Variants in TUBA1C observed in about 807,000 individuals in gnomAD.
TUBA1C encodes tubulin alpha-1C chain.
Under a neutral mutation model 34.9 loss-of-function variants are expected in TUBA1C, and 16 were observed. The observed-to-expected ratio is 0.46, with a 90% CI of 0.31 to 0.70. The LOEUF (loss-of-function observed/expected upper bound fraction) is 0.70. Ranked by LOEUF, TUBA1C falls within the 30% of genes least tolerant of loss-of-function variation. The probability of loss-of-function intolerance (pLI) is 0.05; values close to 1 mark genes in which losing one functional copy is unlikely to be tolerated. For missense variants in TUBA1C, 329 were observed against 587.3 expected (o/e 0.56, Z 4.55); for synonymous variants, 177 against 215.9 (o/e 0.82, Z 1.58).
intron 1 of TUBA1C, among the ~76,000 whole-genome samples, chr12:49,268,954 G>C (rs560475308): frequency 1.3e-5 from 2 of 152,318 alleles, no homozygotes; most frequent in South Asian, 4.1e-4. Flanking sequence ...TTGCCGAGTA[G>C]TTCATGAACA....
Position 49,272,326 on chromosome 12 carries a change from C to T in TUBA1C, c.449C>T (p.Thr150Ile), listed in dbSNP as rs752824086. Residue 150 changes from threonine to isoleucine, a missense_variant, in exon 4 of 4, where the codon ACC becomes ATC. This residue lies in a region of TUBA1C where 152 missense variants were observed against 240.3 expected (regional missense o/e 0.63). Transcript: ENST00000301072. Reference protein sequence around the residue: ...SFGGGTGSGFTSLLMERLSVD... With the variant: ...SFGGGTGSGFISLLMERLSVD... Reference sequence around the variant, plus strand: ...GGTGGGGGAACTGGTTCTGGGTTCACCTCGCTGCTCATGGAACGTCTCTCA... The same window carrying T: ...GGTGGGGGAACTGGTTCTGGGTTCATCTCGCTGCTCATGGAACGTCTCTCA... 5 of 1,614,106 alleles carry T rather than the reference C, an allele frequency of 3.1e-6. No homozygotes were observed. The South Asian group carries it at 4.4e-5, about 14-fold the overall frequency.
intron 1 of TUBA1C, among the ~76,000 whole-genome samples, chr12:49,267,429 TGAGTAGATCACCC>T (rs540163287): frequency 1.3e-5 from 2 of 151,804 alleles, no homozygotes; most frequent in Non-Finnish European, 2.9e-5. Flanking sequence ...GAGGCCGAGG[TGAGTAGATCACCC>T]GAGGTCAGGA....
upstream of TUBA1C, among the ~76,000 whole-genome samples, chr12:49,262,431 G>GC (rs1555167553): frequency 1.0e-5 from 1 of 97,610 alleles, no homozygotes; most frequent in Admixed American, 1.0e-4. Flanking sequence ...AAGTTTTATA[G>GC]CAAAAAAAAA....
chr12:49,241,146 C>T (rs1470509462), intron 1 of TUBA1C, among the ~76,000 whole-genome samples: 1 of 152,154 alleles, frequency 6.6e-6, no homozygotes, highest in East Asian at 1.9e-4. Context: ...AGGTGAACCG[C>T]CCGCCTCGGC....
At chr12:49,243,662 A>G (rs2136995867) in intron 1 of TUBA1C, among the ~76,000 whole-genome samples, 1 of 152,106 alleles carries the variant, frequency 6.6e-6, no homozygotes, top group East Asian at 1.9e-4. Flanking sequence ...CCCAGGCTGG[A>G]GTGCAGTGGT....
At chr12:49,268,180 C>A (rs1051094596) in intron 1 of TUBA1C, among the ~76,000 whole-genome samples, 1 of 152,130 alleles carries the variant, frequency 6.6e-6, no homozygotes, top group Non-Finnish European at 1.5e-5. Flanking sequence ...GCAACCGCCA[C>A]CTCCTGGGTT....
chr12:49,263,959 G>T (rs999708243), upstream of TUBA1C, among the ~76,000 whole-genome samples: 1 of 152,054 alleles, frequency 6.6e-6, no homozygotes, highest in Non-Finnish European at 1.5e-5. Flanking sequence ...GGTGGCTCAC[G>T]CCTGTATTCC....
At chr12:49,236,158 A>G (rs1186140089) in intron 1 of TUBA1C, among the ~76,000 whole-genome samples, 1 of 152,258 alleles carries the variant, frequency 6.6e-6, no homozygotes, top group Non-Finnish European at 1.5e-5. Context: ...CTCCTCAGTC[A>G]GTTCTGATTC....
chr12:49,274,367 T>G lies in TUBA1C; in HGVS notation c.*1140T>G, dbSNP rs2137027980. 1 of 138,520 alleles carries G rather than the reference T, an allele frequency of 7.2e-6. No individual in the cohort carries two copies. Among genetic ancestry groups the G allele is most frequent in the South Asian group, 2.6e-4 (1 of 3,854 alleles). The allele number at this position is 138,520 out of a possible 1,614,324, so 8.6% of individuals were successfully genotyped here. A position where few individuals can be genotyped will look rare whatever the true frequency, so the allele number is the denominator to read the frequency against. On this transcript the variant is annotated 3_prime_UTR_variant, in exon 4 of 4. Transcript: ENST00000301072. Reference sequence around the variant, plus strand: ...TTAGGCTGGCCTTGAACTCCTGGGCTCAGGCAATCCTGCCTCAGCCTCCCA... The same window carrying G: ...TTAGGCTGGCCTTGAACTCCTGGGCGCAGGCAATCCTGCCTCAGCCTCCCA...
At chr12:49,267,174 G>T (rs564873186) in intron 1 of TUBA1C, among the ~76,000 whole-genome samples, 102 of 152,326 alleles carry the variant, frequency 6.7e-4, no homozygotes, top group African/African-American at 2.3e-3. Context: ...CTTCAAGAAG[G>T]CAGTTTAGAC....
chr12:49,249,967 C>T (rs1942715849), intron 1 of TUBA1C, among the ~76,000 whole-genome samples: 4 of 152,026 alleles, frequency 2.6e-5, no homozygotes, highest in Admixed American at 2.0e-4. Context: ...GAGGCCGAGG[C>T]AGGTGGATCA....
chr12:49,235,229 G>C (rs118149217), intron 1 of TUBA1C, among the ~76,000 whole-genome samples: 2,541 of 151,582 alleles, frequency 0.017, 32 homozygotes, highest in Non-Finnish European at 0.024. Flanking sequence ...CAAAAAGGCA[G>C]TATAGGTTGA....
chr12:49,261,503 T>A (rs1245874647), upstream of TUBA1C, among the ~76,000 whole-genome samples: 2 of 152,172 alleles, frequency 1.3e-5, no homozygotes, highest in Non-Finnish European at 2.9e-5. Context: ...GGTAAATTAT[T>A]TCAAGTCTCA....
chr12:49,272,822 C>T lies in TUBA1C; in HGVS notation c.945C>T (p.Cys315=). 6.2e-7 allele frequency: 1 copy of T among 1,614,152 alleles called. No individual in the cohort carries two copies. The highest frequency in any genetic ancestry group is 8.5e-7 in the Non-Finnish European group (1 of 1,180,020). ...CTCGCCATGGTAAATACATGGCTTG[C>T]TGCCTGTTATACCGTGGTGACGTGG... ...CDPRHGKYMA[C]CLLYRGDVVP... The change falls in exon 4 of 4, where the codon TGC becomes TGT. Residue 315 remains cysteine, a synonymous_variant. Coordinates refer to ENST00000301072, the MANE Select transcript of TUBA1C (RefSeq NM_032704.5).
intron 1 of TUBA1C, among the ~76,000 whole-genome samples, chr12:49,241,107 G>A (rs1203975299): frequency 2.6e-5 from 4 of 152,012 alleles, no homozygotes; most frequent in Non-Finnish European, 5.9e-5. Context: ...TCACCATGTT[G>A]GCCAGGCTGG....
chr12:49,260,603 A>C (rs753524544), upstream of TUBA1C, among the ~76,000 whole-genome samples: 16 of 152,254 alleles, frequency 1.1e-4, no homozygotes, highest in Non-Finnish European at 2.4e-4. Flanking sequence ...GAAATAAATA[A>C]AAGTTAAAGG....
chr12:49,259,683 C>T (rs545128637), intron 1 of TUBA1C, among the ~76,000 whole-genome samples: 5 of 152,306 alleles, frequency 3.3e-5, no homozygotes, highest in African/African-American at 4.8e-5. Flanking sequence ...TAGAACAGAT[C>T]TTGGTTGTTA....
intron 1 of TUBA1C, among the ~76,000 whole-genome samples, chr12:49,255,332 A>C (rs951391691): frequency 2.6e-5 from 4 of 151,654 alleles, no homozygotes; most frequent in African/African-American, 9.7e-5. Context: ...TTGTCTTTAA[A>C]GGTCAAAATG....
chr12:49,231,313 C>T (rs1374867187), intron 1 of TUBA1C, among the ~76,000 whole-genome samples: 1 of 152,074 alleles, frequency 6.6e-6, no homozygotes, highest in African/African-American at 2.4e-5. Context: ...TAACTACGGG[C>T]ATGCACCACC....
Sources: gnomAD v4.1 joint callset for allele counts (sites outside exome capture counted in the v4.1 genomes callset) on GRCh38, gnomAD v4.1.1 for gene constraint, gnomAD v4.1.1 regional missense constraint, MANE v1.5 for transcripts, NCBI Gene and HGNC (gene_info 2026-07-23, HGNC 2026-07-21) for gene names.